ZFHX3: variants seen among roughly 807,000 people sequenced by gnomAD.
ZFHX3 encodes zinc finger homeobox protein 3.
A neutral mutation model predicts 279.1 loss-of-function variants in ZFHX3; 42 were observed. The ratio of observed to expected loss-of-function variants is 0.15; its 90% confidence interval spans 0.12 to 0.19. The LOEUF is 0.19. Among genes scored for constraint, ZFHX3 ranks in the 10% least tolerant of loss-of-function variants. The pLI, the probability that ZFHX3 is intolerant of heterozygous loss-of-function variation, is 1.00. For synonymous variants in ZFHX3, 2,293 were observed against 1,957.8 expected, an observed-to-expected ratio of 1.17 and a Z score of -4.52; for missense variants, 4,981 against 4,754.0, an observed-to-expected ratio of 1.05 and a Z score of -1.40.
intron 1 of ZFHX3, among the ~76,000 whole-genome samples, chr16:73,890,970 CCTCTCTCA>C (rs2030516090): frequency 6.6e-6 from 1 of 151,716 alleles, no homozygotes; most frequent in African/African-American, 2.4e-5. Flanking sequence ...CTCCCCTCTC[CCTCTCTCA>C]CTCCGTCTGT....
rs112231932 is a variant in ZFHX3, at chr16:72,852,573, T to G, written c.3449-22714A>C. On this transcript the variant is annotated intron_variant, in intron 4 of 9. Transcript: ENST00000268489. ...ATGGAGACAGCTGTGCAACAATGGATGATTTAAAAGTATTGCTTAAGTTGT... is the reference window on the plus strand; with the variant it reads ...ATGGAGACAGCTGTGCAACAATGGAGGATTTAAAAGTATTGCTTAAGTTGT... 1.4e-4 allele frequency among the ~76,000 whole-genome samples: 22 copies of G among 152,340 alleles called. 1 individual carries two copies. The highest frequency in any genetic ancestry group is 5.3e-4 in the African/African-American group (22 of 41,586).
At chr16:73,613,991 C>G (rs1240439400) in intron 2 of ZFHX3, among the ~76,000 whole-genome samples, 2 of 152,220 alleles carry the variant, frequency 1.3e-5, no homozygotes, top group Admixed American at 6.5e-5. Flanking sequence ...ATCCAAAGAT[C>G]AAGCAATACA....
intron 1 of ZFHX3, among the ~76,000 whole-genome samples, chr16:73,846,892 C>T (rs1159642864): frequency 2.0e-5 from 3 of 152,182 alleles, no homozygotes; most frequent in African/African-American, 7.2e-5. Flanking sequence ...ATTTTTCCAG[C>T]AAGGAGGCCC....
Position 73,485,438 on chromosome 16 carries a change from A to AAG in ZFHX3, c.-1546-29181_-1546-29180insCT, listed in dbSNP as rs1555520116. On this transcript the variant is annotated intron_variant, in intron 2 of 17. Transcript: ENST00000641206. ...AGGGTGAGGGAGAAAAAAAAAAAAA[A>AAG]AAAAAAAAACTTTCTAGCATTTACA... Among the ~76,000 whole-genome samples the AAG allele has an allele frequency of 8.1e-4, 118 of 144,814 alleles. 1 individual carries two copies. The highest frequency in any genetic ancestry group is 1.3e-3 in the South Asian group (6 of 4,586).
At chr16:73,139,737 T>A (rs1966841558) in intron 6 of ZFHX3, among the ~76,000 whole-genome samples, 1 of 152,236 alleles carries the variant, frequency 6.6e-6, no homozygotes, top group African/African-American at 2.4e-5. Context: ...TTCCATTGAA[T>A]CTTTATGCTC....
At chr16:73,273,786 T>C (rs1358459220) in intron 4 of ZFHX3, among the ~76,000 whole-genome samples, 1 of 152,192 alleles carries the variant, frequency 6.6e-6, no homozygotes, top group Non-Finnish European at 1.5e-5. Flanking sequence ...GGTATTTCAG[T>C]GTACTTTTAA....
intron 1 of ZFHX3, among the ~76,000 whole-genome samples, chr16:73,019,538 C>T (rs536561747): frequency 2.2e-4 from 33 of 152,286 alleles, no homozygotes; most frequent in Middle Eastern, 6.8e-3. Flanking sequence ...ACTGCAGCAT[C>T]GAGGGAACAG....
At chr16:73,613,920 GAACCCTA>G (rs2052273289) in intron 2 of ZFHX3, among the ~76,000 whole-genome samples, 1 of 152,184 alleles carries the variant, frequency 6.6e-6, no homozygotes, top group African/African-American at 2.4e-5. Context: ...TCTGGCATCT[GAACCCTA>G]ACCTCTTTGA....
At chr16:73,231,724 CA>C (rs111670742) in intron 5 of ZFHX3, among the ~76,000 whole-genome samples, 66 of 152,242 alleles carry the variant, frequency 4.3e-4, no homozygotes, top group African/African-American at 1.5e-3. Context: ...TGGGTTTCAC[CA>C]CGCCGAGTGC....
chr16:73,842,895 C>CAAAGTGTT (rs1961349862), intron 1 of ZFHX3, among the ~76,000 whole-genome samples: 1 of 151,306 alleles, frequency 6.6e-6, no homozygotes, highest in African/African-American at 2.4e-5. Flanking sequence ...CTGTCCAAAT[C>CAAAGTGTT]AGAATTACCT....
rs558689133 is a variant in ZFHX3 at position 72,952,672 on chromosome 16, C to T, written c.2720-1707G>A. ...CAGCTCCACGTCTCCACGAAAGGGC[C>T]GGGCGAAGATCTCTTCCTCCCTCTC... is the stretch of plus-strand genomic sequence containing the variant. On this transcript the variant is annotated intron_variant, in intron 2 of 9. Coordinates refer to ENST00000268489, the MANE Select transcript of ZFHX3 (RefSeq NM_006885.4). Among the ~76,000 whole-genome samples the T allele has an allele frequency of 1.6e-4, 25 of 152,308 alleles. 1 individual carries two copies. The South Asian group carries it at 5.0e-3, about 30-fold the overall frequency.
At chr16:73,018,451 CA>C (rs1161979046) in intron 1 of ZFHX3, among the ~76,000 whole-genome samples, 1 of 151,970 alleles carries the variant, frequency 6.6e-6, no homozygotes, top group East Asian at 1.9e-4. Context: ...ACTAAAACCA[CA>C]AAAAATTACC....
intron 1 of ZFHX3, among the ~76,000 whole-genome samples, chr16:73,851,879 C>T (rs908062479): frequency 6.6e-6 from 1 of 152,076 alleles, no homozygotes; most frequent in South Asian, 2.1e-4. Context: ...TGGAACTGCT[C>T]GGACAGTTTT....
At chr16:73,878,938 A>AAGAT (rs1168094322) in intron 1 of ZFHX3, among the ~76,000 whole-genome samples, 4 of 105,000 alleles carry the variant, frequency 3.8e-5, no homozygotes, top group African/African-American at 2.0e-4. Context: ...CAAAAAAGAT[A>AAGAT]AGATATATAT....
At chr16:73,241,246 T>C (rs2013112515) in intron 5 of ZFHX3, among the ~76,000 whole-genome samples, 1 of 152,248 alleles carries the variant, frequency 6.6e-6, no homozygotes, top group South Asian at 2.1e-4. Context: ...CTTGCCCTTT[T>C]TGAGTTATAC....
intron 2 of ZFHX3, among the ~76,000 whole-genome samples, chr16:73,546,016 A>G (rs2020102217): frequency 6.6e-6 from 1 of 152,200 alleles, no homozygotes; most frequent in Non-Finnish European, 1.5e-5. Context: ...ACAAAGCATC[A>G]GCGGGAAATG....
At chr16:73,842,899 ATTACC>A (rs1961349994) in intron 1 of ZFHX3, among the ~76,000 whole-genome samples, 1 of 152,248 alleles carries the variant, frequency 6.6e-6, no homozygotes, top group African/African-American at 2.4e-5. Flanking sequence ...CCAAATCAGA[ATTACC>A]TCTTTTCTAA....
At chr16:73,642,862 C>T (rs987423130) in intron 2 of ZFHX3, among the ~76,000 whole-genome samples, 4 of 152,138 alleles carry the variant, frequency 2.6e-5, no homozygotes, top group African/African-American at 9.7e-5. Context: ...AACGGCAGAC[C>T]CAAAATGAAC....
At chr16:73,363,803 C>A (rs1200920074) in intron 3 of ZFHX3, among the ~76,000 whole-genome samples, 1 of 152,070 alleles carries the variant, frequency 6.6e-6, no homozygotes, top group East Asian at 1.9e-4. Context: ...CGGATAGCAT[C>A]CCTGGCCTCA....
Sources: gnomAD v4.1 joint callset for allele counts (sites outside exome capture counted in the v4.1 genomes callset) on GRCh38, gnomAD v4.1.1 for gene constraint, MANE v1.5 for transcripts, NCBI Gene and HGNC (gene_info 2026-07-23, HGNC 2026-07-21) for gene names.